Variants in ZMPSTE24 observed in about 807,000 individuals in gnomAD.
The protein encoded by ZMPSTE24 is zinc metallopeptidase STE24.
In ZMPSTE24, 48 loss-of-function variants were observed where a neutral mutation model predicts 56.7. That is an observed-to-expected ratio of 0.85 (90% CI 0.67 to 1.08). The LOEUF (loss-of-function observed/expected upper bound fraction) is 1.08, where lower values mean the gene tolerates loss of function less well. Among genes scored for constraint, ZMPSTE24 ranks in the 50% least tolerant of loss-of-function variants. The pLI, the probability that ZMPSTE24 is intolerant of heterozygous loss-of-function variation, is 0.00. For synonymous variants in ZMPSTE24, 172 were observed against 195.2 expected (o/e 0.88, Z 0.99); for missense variants, 503 against 548.7 (o/e 0.92, Z 0.83).
rs529834615 is a variant in ZMPSTE24 at position 40,276,209 on chromosome 1, C to T, written c.769+4174C>T. 2.8e-4 allele frequency among the ~76,000 whole-genome samples: 42 copies of T among 152,282 alleles called. No individual in the cohort carries two copies. In the East Asian group the frequency reaches 7.9e-3, roughly 29 times the overall value. On this transcript the variant is annotated intron_variant, in intron 6 of 9. Coordinates refer to ENST00000372759, the MANE Select transcript of ZMPSTE24 (RefSeq NM_005857.5). ...AAACAACAAATAAGTCTATAGACATCCCTGTGGAGATGTCAGACAGGTAAC... is the reference window on the plus strand; with the variant it reads ...AAACAACAAATAAGTCTATAGACATTCCTGTGGAGATGTCAGACAGGTAAC...
chr1:40,258,620 G>A lies in ZMPSTE24; in HGVS notation c.123+226G>A, dbSNP rs530260744. Among the ~76,000 whole-genome samples the A allele has an allele frequency of 3.3e-5, 5 of 152,254 alleles. No homozygotes were observed. The South Asian group carries it at 1.0e-3, about 32-fold the overall frequency. ...GTTATCATGGGACCCAATCCCTTTA[G>A]GGCCTGGAGGAAGGCTTGGGCTCTT... On this transcript the variant is annotated intron_variant, in intron 1 of 9. Transcript: ENST00000372759.
At chr1:40,280,322 T>A (rs1416753478) in intron 6 of ZMPSTE24, among the ~76,000 whole-genome samples, 2 of 152,226 alleles carry the variant, frequency 1.3e-5, no homozygotes, top group Non-Finnish European at 2.9e-5. Context: ...TGTACGTTCG[T>A]TAGCAGTTCC....
chr1:40,260,935 A>G lies in ZMPSTE24; in HGVS notation c.220A>G (p.Lys74Glu). The change falls in exon 2 of 10, where the codon AAA becomes GAA. Residue 74 changes from lysine to glutamate, a missense_variant. By Grantham distance (56) the Lys-to-Glu change is moderately conservative (BLOSUM62 1). Transcript: ENST00000372759. ...GAAATCTCGACTCTATCAACTGGAT[A>G]AAAGCACTTTCAGCTTCTGGTCAGG... ...FEKSRLYQLD[K>E]STFSFWSGLY... 1.9e-6 allele frequency: 3 copies of G among 1,614,204 alleles called. No individual in the cohort carries two copies. The highest frequency in any genetic ancestry group is 1.7e-6 in the Non-Finnish European group (2 of 1,180,032).
At position 40,278,204 on chromosome 1, in the gene ZMPSTE24, G is replaced by GT. The variant is rs541489425; in HGVS notation, c.770-3133dup. The stretch of plus-strand genomic sequence containing the variant: ...AAATATGAGTAGATAGAAAATTCAT[G>GT]TTTTTTGTGAGAGACTTCAAATTCC... On this transcript the variant is annotated intron_variant, in intron 6 of 9. Transcript: ENST00000372759. 1.8e-4 allele frequency among the ~76,000 whole-genome samples: 27 copies of GT among 152,094 alleles called. No homozygotes were observed. The East Asian group carries it at 4.1e-3, about 23-fold the overall frequency.
At chr1:40,290,787 G>T in intron 8 of ZMPSTE24, 67 bp from the exon 9 acceptor site, 1 of 1,583,004 alleles carries the variant, frequency 6.3e-7, no homozygotes, top group South Asian at 1.1e-5. Flanking sequence ...ATACTTTATG[G>T]ATGCTACTGA....
chr1:40,271,745 A>G (rs759982379), intron 5 of ZMPSTE24, 149 bp from the exon 6 acceptor site: 11 of 738,074 alleles, frequency 1.5e-5, no homozygotes, highest in Admixed American at 2.9e-5. Context: ...ATCTGGTACT[A>G]TTTGGGCCTG....
intron 8 of ZMPSTE24, among the ~76,000 whole-genome samples, chr1:40,289,348 A>G (rs1343216534): frequency 6.6e-6 from 1 of 152,242 alleles, no homozygotes; most frequent in Non-Finnish European, 1.5e-5. Context: ...ACAGTATCCC[A>G]TGGCCAGGAA....
In ZMPSTE24 at chr1:40,290,992, A is replaced by G; in HGVS notation, c.1198A>G (p.Asn400Asp). 6.2e-7 allele frequency: 1 copy of G among 1,613,838 alleles called. No homozygotes were observed. Among genetic ancestry groups the G allele is most frequent in the Non-Finnish European group, 8.5e-7 (1 of 1,179,932 alleles). Residue 400 changes from asparagine (N) to aspartate (D), a missense_variant, in exon 9 of 10, where the codon AAT becomes GAT. Transcript: ENST00000372759. ...IIFQFIFSPY[N>D]EVLSFCLTVL... ...CTTCCAGTTTATTTTTTCACCTTACAATGAGGTAATGTATGATCTTTAAAA... is the reference window on the plus strand; with the variant it reads ...CTTCCAGTTTATTTTTTCACCTTACGATGAGGTAATGTATGATCTTTAAAA...
Position 40,260,886 on chromosome 1 carries a change from G to A in ZMPSTE24, c.171G>A (p.Gln57=), listed in dbSNP as rs1455088256. 6.2e-7 allele frequency: 1 copy of A among 1,614,128 alleles called. No homozygotes were observed. The highest frequency in any genetic ancestry group is 8.5e-7 in the Non-Finnish European group (1 of 1,179,978). Residue 57 remains glutamine, a synonymous_variant, in exon 2 of 10, where the codon CAG becomes CAA. Coordinates refer to ENST00000372759, the MANE Select transcript of ZMPSTE24 (RefSeq NM_005857.5). ...TTTHVPPELG[Q]IMDSETFEKS... ...CTCATGTACCACCGGAGTTAGGACA[G>A]ATCATGGATTCTGAAACATTTGAGA...
chr1:40,285,893 CAA>C (rs1235277837), intron 7 of ZMPSTE24, 30 bp from the exon 8 acceptor site: 4 of 1,565,828 alleles, frequency 2.6e-6, no homozygotes, highest in Non-Finnish European at 3.5e-6. Flanking sequence ...TAAAGGTTCT[CAA>C]TAATTTATTT....
At chr1:40,286,728 C>CTTTT (rs34496576) in intron 8 of ZMPSTE24, among the ~76,000 whole-genome samples, 1 of 123,224 alleles carries the variant, frequency 8.1e-6, no homozygotes, top group African/African-American at 3.1e-5. Flanking sequence ...CCCTAAAATG[C>CTTTT]TTTTTTTTTT....
Position 40,273,536 on chromosome 1 carries a change from AAATATATATATATATATATAT to A in ZMPSTE24, c.769+1503_769+1523del, listed in dbSNP as rs1388000265. 1.9e-4 allele frequency among the ~76,000 whole-genome samples: 14 copies of A among 74,402 alleles called. No individual in the cohort carries two copies. The Admixed American group carries it at 2.1e-3, about 11-fold the overall frequency. 48.8% of individuals were successfully genotyped at this position (74,402 alleles called of 152,430 possible). A position where few individuals can be genotyped will look rare whatever the true frequency, so the allele number is the denominator to read the frequency against. On this transcript the variant is annotated intron_variant, in intron 6 of 9. Coordinates refer to ENST00000372759, the MANE Select transcript of ZMPSTE24 (RefSeq NM_005857.5). ...CTGTCTAAAAAAAAAAAAAAAAAAA[AAATATATATATATATATATAT>A]ATATATATATATGTCAGACATTTAG...
At chr1:40,278,632 A>G (rs1333057312) in intron 6 of ZMPSTE24, among the ~76,000 whole-genome samples, 2 of 149,162 alleles carry the variant, frequency 1.3e-5, no homozygotes, top group East Asian at 4.1e-4. Context: ...GGTAGATATT[A>G]GGCTCGCTTC....
intron 6 of ZMPSTE24, among the ~76,000 whole-genome samples, chr1:40,276,778 A>G (rs1267310422): frequency 1.3e-5 from 2 of 152,226 alleles, no homozygotes; most frequent in East Asian, 1.9e-4. Context: ...CCTAGGTTGT[A>G]TGGTATAGCC....
rs1182874591 is a variant in ZMPSTE24, at chr1:40,258,315, C to T, written c.44C>T (p.Ala15Val). The T allele has an allele frequency of 6.8e-6, 11 of 1,614,118 alleles. No homozygotes were observed. The highest frequency in any genetic ancestry group is 1.3e-5 in the African/African-American group (1 of 75,044). Residue 15 changes from alanine (A) to valine (V), a missense_variant, in exon 1 of 10, where the codon GCC (alanine) becomes GTC (valine). Coordinates refer to ENST00000372759, the MANE Select transcript of ZMPSTE24 (RefSeq NM_005857.5). ...ASLDALWEMP[A>V]EKRIFGAVLL... ...CTGGACGCTTTGTGGGAGATGCCGG[C>T]CGAGAAGCGTATCTTCGGGGCCGTG...
chr1:40,276,928 G>T (rs868102236), intron 6 of ZMPSTE24, among the ~76,000 whole-genome samples: 1 of 152,168 alleles, frequency 6.6e-6, no homozygotes, highest in Non-Finnish European at 1.5e-5. Flanking sequence ...TGGCTATGAG[G>T]TCACTAGGTG....
intron 2 of ZMPSTE24, among the ~76,000 whole-genome samples, chr1:40,262,163 T>C (rs745399300): frequency 3.9e-5 from 6 of 152,206 alleles, no homozygotes; most frequent in Admixed American, 2.6e-4. Flanking sequence ...TTTATGTAGC[T>C]GTGGTAAATG....
At chr1:40,269,588 T>A (rs2124581853) in intron 4 of ZMPSTE24, among the ~76,000 whole-genome samples, 1 of 152,200 alleles carries the variant, frequency 6.6e-6, no homozygotes, top group East Asian at 1.9e-4. Context: ...GCCTGCCTAG[T>A]ATCTGGGACT....
In ZMPSTE24 at chr1:40,292,884, T is replaced by C; in HGVS notation, c.*215T>C. 2.2e-6 allele frequency: 1 copy of C among 463,542 alleles called. No homozygotes were observed. The highest frequency in any genetic ancestry group is 3.9e-6 in the Non-Finnish European group (1 of 258,848). 28.7% of individuals were successfully genotyped at this position (463,542 alleles called of 1,614,324 possible). ...TTGAAGCTTAATGTTTTTAAAGGCA[T>C]AGTTTTATCTTTGACATCTAATTTA... On this transcript the variant is annotated 3_prime_UTR_variant, in exon 10 of 10. Coordinates refer to ENST00000372759, the MANE Select transcript of ZMPSTE24 (RefSeq NM_005857.5).
Sources: gnomAD v4.1 joint callset for allele counts (sites outside exome capture counted in the v4.1 genomes callset) on GRCh38, gnomAD v4.1.1 for gene constraint, MANE v1.5 for transcripts, NCBI Gene and HGNC (gene_info 2026-07-23, HGNC 2026-07-21) for gene names.